The following KTN1 variants were observed in gnomAD, a reference collection of about 807,000 sequenced individuals.
KTN1 encodes the protein kinectin.
Under a neutral mutation model 222.5 loss-of-function variants are expected in KTN1, and 130 were observed. The observed-to-expected ratio is 0.58, with a 90% confidence interval of 0.51 to 0.68. The LOEUF is 0.68. Ranked by LOEUF, KTN1 falls within the 30% of genes least tolerant of loss-of-function variation. The pLI, the probability that KTN1 is intolerant of heterozygous loss-of-function variation, is 0.00. For missense variants in KTN1, 1,508 were observed against 1,500.4 expected, an observed-to-expected ratio of 1.01 and a Z score of -0.08; for synonymous variants, 512 against 496.3, an observed-to-expected ratio of 1.03 and a Z score of -0.42.
intron 1 of KTN1, among the ~76,000 whole-genome samples, chr14:55,594,178 T>C (rs1437086221): frequency 2.6e-5 from 4 of 152,118 alleles, no homozygotes; most frequent in Admixed American, 1.3e-4. Context: ...GAAGTCGTTA[T>C]CTTCATTTCT....
intron 1 of KTN1, among the ~76,000 whole-genome samples, chr14:55,599,660 A>C (rs141418595): frequency 0.023 from 3,569 of 152,134 alleles, 152 homozygotes; most frequent in African/African-American, 0.082. Flanking sequence ...TAGTTTTAGT[A>C]GAGACGGGGT....
chr14:55,632,852 A>G (rs186612875), intron 7 of KTN1, among the ~76,000 whole-genome samples: 14 of 152,324 alleles, frequency 9.2e-5, no homozygotes, highest in East Asian at 1.9e-4. Flanking sequence ...TTGGCTTACT[A>G]AAGACTTTAA....
intron 1 of KTN1, among the ~76,000 whole-genome samples, chr14:55,584,290 A>G (rs183645498): frequency 5.9e-4 from 90 of 152,336 alleles, no homozygotes; most frequent in African/African-American, 2.0e-3. Context: ...GGGCAGCTAC[A>G]TATCAGACAC....
At chr14:55,593,446 C>CCCCCA (rs1555357160) in intron 1 of KTN1, among the ~76,000 whole-genome samples, 43 of 120,556 alleles carry the variant, frequency 3.6e-4, no homozygotes, top group African/African-American at 7.3e-4. Context: ...ACCCCCCCCC[C>CCCCCA]AAAAAAAAAA....
At chr14:55,644,809 GAAGTA>G (rs1374094174) in intron 18 of KTN1, among the ~76,000 whole-genome samples, 1 of 152,192 alleles carries the variant, frequency 6.6e-6, no homozygotes, top group South Asian at 2.1e-4. Context: ...AATAAAGTAT[GAAGTA>G]AAGTAAAAAT....
chr14:55,678,642 A>G (rs1049135371), intron 42 of KTN1, 198 bp downstream of exon 42: 4 of 518,930 alleles, frequency 7.7e-6, no homozygotes, highest in East Asian at 3.4e-5. Flanking sequence ...GTTGAGAGGT[A>G]TGGAGCGGGG....
intron 1 of KTN1, among the ~76,000 whole-genome samples, chr14:55,599,214 T>C (rs1024883186): frequency 6.6e-6 from 1 of 152,206 alleles, no homozygotes; most frequent in Non-Finnish European, 1.5e-5. Context: ...CTGATTTCTT[T>C]TATAACTCTC....
At chr14:55,662,945 A>G in intron 32 of KTN1, 1 of 455,980 alleles carries the variant, frequency 2.2e-6, no homozygotes, top group South Asian at 1.5e-5. Context: ...CGCTGGAGAC[A>G]TTGAACCCGT....
At chr14:55,605,506 C>T (rs755802035) in intron 1 of KTN1, among the ~76,000 whole-genome samples, 9 of 152,108 alleles carry the variant, frequency 5.9e-5, no homozygotes, top group East Asian at 1.9e-4. Flanking sequence ...GTTTCTGCCA[C>T]GGGTACTCTG....
chr14:55,671,935 C>A, intron 37 of KTN1, 58 bp downstream of exon 37: 2 of 951,490 alleles, frequency 2.1e-6, no homozygotes, highest in Non-Finnish European at 3.4e-6. Flanking sequence ...CTTGAACCAG[C>A]AGCATCAGCA....
intron 12 of KTN1, 152 bp from the exon 13 acceptor site, chr14:55,639,033 T>C (rs1457389118): frequency 2.0e-6 from 1 of 508,670 alleles, no homozygotes; most frequent in Non-Finnish European, 3.5e-6. Context: ...GAATGATAGT[T>C]ACTCTTTATT....
intron 1 of KTN1, among the ~76,000 whole-genome samples, chr14:55,593,074 T>G (rs1021314032): frequency 1.3e-5 from 2 of 152,180 alleles, no homozygotes; most frequent in African/African-American, 4.8e-5. Flanking sequence ...GAGTGTATTG[T>G]ATCTGTTGAG....
chr14:55,651,269 C>T (rs1483666873), intron 24 of KTN1: 1 of 455,892 alleles, frequency 2.2e-6, no homozygotes, highest in South Asian at 1.5e-5. Context: ...ATGAAAAGAT[C>T]ATACTTTTCT....
Position 55,647,955 on chromosome 14 carries a change from A to G in KTN1, c.2208-70A>G, listed in dbSNP as rs114786546. ...CGAGTCTCTGTCTCAAAAAAAAATAATAATTATAATAATAATATCATTAAC... is the reference window on the plus strand; with the variant it reads ...CGAGTCTCTGTCTCAAAAAAAAATAGTAATTATAATAATAATATCATTAAC... On this transcript the variant is annotated intron_variant, in intron 19 of 43. Transcript: ENST00000395314. 1,063 of 464,232 alleles carry G rather than the reference A, an allele frequency of 2.3e-3. 11 individuals carry two copies. Among genetic ancestry groups the G allele is most frequent in the African/African-American group, 0.021 (978 of 47,466 alleles). The allele number at this position is 464,232 out of a possible 1,614,324, so 28.8% of individuals were successfully genotyped here. A position where few individuals can be genotyped will look rare whatever the true frequency, so the allele number is the denominator to read the frequency against.
chr14:55,681,116 G>T, intron 43 of KTN1: 1 of 181,258 alleles, frequency 5.5e-6, no homozygotes, highest in Non-Finnish European at 1.2e-5. Context: ...CTTATTTATT[G>T]TTATTGATTA....
At chr14:55,649,089 G>A (rs995018061) in intron 21 of KTN1, among the ~76,000 whole-genome samples, 1 of 152,010 alleles carries the variant, frequency 6.6e-6, no homozygotes, top group Non-Finnish European at 1.5e-5. Flanking sequence ...ACAATGCTCG[G>A]CTTTTATTTT....
At chr14:55,610,005 A>G (rs146579850) in intron 1 of KTN1, among the ~76,000 whole-genome samples, 1 of 152,356 alleles carries the variant, frequency 6.6e-6, no homozygotes, top group East Asian at 1.9e-4. Context: ...TTATCAGGGA[A>G]ACAATTCTGT....
At chr14:55,600,118 T>C (rs1341586468) in intron 1 of KTN1, among the ~76,000 whole-genome samples, 3 of 150,212 alleles carry the variant, frequency 2.0e-5, no homozygotes, top group Admixed American at 2.0e-4. Flanking sequence ...ATTATGTCTC[T>C]TCTGGGGATA....
At chr14:55,585,131 C>CAA (rs752597184) in intron 1 of KTN1, among the ~76,000 whole-genome samples, 982 of 53,824 alleles carry the variant, frequency 0.018, 30 homozygotes, top group African/African-American at 0.058. Flanking sequence ...GACTGTGTCT[C>CAA]AAAAAAAAAA....
Sources: allele counts gnomAD v4.1 joint callset (sites outside exome capture counted in the v4.1 genomes callset), GRCh38; gene constraint gnomAD v4.1.1; transcripts MANE v1.5; gene names NCBI Gene and HGNC (gene_info 2026-07-23, HGNC 2026-07-21).